RNGTT: variants seen among roughly 807,000 people sequenced by gnomAD.
The protein encoded by RNGTT is mRNA-capping enzyme.
In RNGTT, 33 loss-of-function variants were observed where a neutral mutation model predicts 79.3. That is an observed-to-expected ratio of 0.42 (90% CI 0.32 to 0.56). The LOEUF is 0.56. Among genes scored for constraint, RNGTT ranks in the 20% least tolerant of loss-of-function variants. The pLI is 0.17. For missense variants in RNGTT, 497 were observed against 739.1 expected, an observed-to-expected ratio of 0.67 and a Z score of 3.80; for synonymous variants, 222 against 235.9, an observed-to-expected ratio of 0.94 and a Z score of 0.54.
At chr6:88,721,299 C>T (rs763950413) in intron 13 of RNGTT, among the ~76,000 whole-genome samples, 6 of 152,058 alleles carry the variant, frequency 3.9e-5, no homozygotes, top group Non-Finnish European at 7.4e-5. Flanking sequence ...TGTCAAAAAT[C>T]AAATTAGTAA....
chr6:88,730,046 T>G (rs1777055453), intron 13 of RNGTT, among the ~76,000 whole-genome samples: 1 of 152,198 alleles, frequency 6.6e-6, no homozygotes, highest in Admixed American at 6.5e-5. Context: ...GTCCTCCACC[T>G]TATCCAGAGA....
intron 4 of RNGTT, among the ~76,000 whole-genome samples, chr6:88,925,940 C>T (rs1319508103): frequency 6.6e-6 from 1 of 152,090 alleles, no homozygotes; most frequent in Non-Finnish European, 1.5e-5. Context: ...TACGTAGGTC[C>T]AGGATAGGCC....
chr6:88,926,104 T>C (rs1477719944), intron 4 of RNGTT, among the ~76,000 whole-genome samples: 1 of 152,242 alleles, frequency 6.6e-6, no homozygotes, highest in East Asian at 1.9e-4. Context: ...AATAAATATT[T>C]ACTATTTTCT....
intron 13 of RNGTT, among the ~76,000 whole-genome samples, chr6:88,767,690 A>C (rs540146004): frequency 1.4e-5 from 2 of 139,416 alleles, no homozygotes; most frequent in Middle Eastern, 3.7e-3. Flanking sequence ...AAAAAAAAAA[A>C]AAAAAAAAAA....
At chr6:88,900,527 A>G (rs975036232) in intron 6 of RNGTT, among the ~76,000 whole-genome samples, 2 of 152,106 alleles carry the variant, frequency 1.3e-5, no homozygotes, top group Admixed American at 6.5e-5. Context: ...TGAGGTCAGG[A>G]GATCCACACA....
intron 14 of RNGTT, among the ~76,000 whole-genome samples, chr6:88,629,806 G>C (rs1772779686): frequency 6.6e-6 from 1 of 152,130 alleles, no homozygotes; most frequent in Admixed American, 6.6e-5. Context: ...CTTTTCTCTA[G>C]AAAGTAACCA....
chr6:88,631,963 CTTTA>C (rs1355796237), intron 14 of RNGTT, among the ~76,000 whole-genome samples: 1 of 151,982 alleles, frequency 6.6e-6, no homozygotes, highest in Non-Finnish European at 1.5e-5. Context: ...TAGGCCAACT[CTTTA>C]TTTATTATTT....
At chr6:88,923,315 CTT>C (rs1485037475) in intron 4 of RNGTT, among the ~76,000 whole-genome samples, 1 of 152,136 alleles carries the variant, frequency 6.6e-6, no homozygotes, top group African/African-American at 2.4e-5. Context: ...TCACATAACT[CTT>C]TATGTCCATC....
chr6:88,618,813 A>C (rs1772332118), intron 14 of RNGTT, among the ~76,000 whole-genome samples: 1 of 152,222 alleles, frequency 6.6e-6, no homozygotes, highest in Admixed American at 6.5e-5. Flanking sequence ...AGCAGCTCAA[A>C]GAAAAGTTTC....
chr6:88,855,926 T>G (rs1298786017), intron 8 of RNGTT, among the ~76,000 whole-genome samples: 1 of 152,058 alleles, frequency 6.6e-6, no homozygotes, highest in Non-Finnish European at 1.5e-5. Context: ...AAAGGGAAGA[T>G]CAAATAAAAA....
At chr6:88,907,607 C>T (rs1364538109) in intron 4 of RNGTT, among the ~76,000 whole-genome samples, 1 of 151,842 alleles carries the variant, frequency 6.6e-6, no homozygotes, top group African/African-American at 2.4e-5. Flanking sequence ...TGAGAAGAGA[C>T]GAATATAACT....
At position 88,904,858 on chromosome 6, in the gene RNGTT, C is replaced by T; in HGVS notation, c.541G>A (p.Glu181Lys). The T allele has an allele frequency of 1.2e-6, 2 of 1,614,130 alleles. No homozygotes were observed. The highest frequency in any genetic ancestry group is 2.2e-5 in the East Asian group (1 of 44,872). ...KELFRRYGDI[E>K]EAPPPPLLPD... Reference sequence around the variant, plus strand: ...AATAGAGGTGGGGGTGGTGCTTCCTCTATGTCACCATACCGACGAAAAAGT... The same window carrying T: ...AATAGAGGTGGGGGTGGTGCTTCCTTTATGTCACCATACCGACGAAAAAGT... Residue 181 changes from glutamate (E) to lysine (K), a missense_variant, in exon 6 of 16, where the codon GAG becomes AAG. Glu to Lys is a moderately conservative substitution (Grantham distance 56, BLOSUM62 1). Transcript: ENST00000369485.
At chr6:88,887,499 G>A (rs1197234199) in intron 8 of RNGTT, among the ~76,000 whole-genome samples, 1 of 152,052 alleles carries the variant, frequency 6.6e-6, no homozygotes, top group Admixed American at 6.5e-5. Flanking sequence ...TTCTCTCCCA[G>A]AAAAAAGTAT....
At chr6:88,755,178 G>A (rs7773541) in intron 13 of RNGTT, among the ~76,000 whole-genome samples, 21,098 of 152,082 alleles carry the variant, frequency 0.14, 1,605 homozygotes, top group Middle Eastern at 0.24. Context: ...AAAGGAAGAC[G>A]TTAGCAGTTA....
At chr6:88,913,601 CA>C (rs1783906110) in intron 4 of RNGTT, among the ~76,000 whole-genome samples, 1 of 152,164 alleles carries the variant, frequency 6.6e-6, no homozygotes, top group Non-Finnish European at 1.5e-5. Flanking sequence ...GAATTCAAAA[CA>C]AAAACCACAT....
At chr6:88,820,665 T>C (rs1336309606) in intron 11 of RNGTT, among the ~76,000 whole-genome samples, 1 of 152,158 alleles carries the variant, frequency 6.6e-6, no homozygotes, top group Non-Finnish European at 1.5e-5. Context: ...CTTTCCTATA[T>C]ACCAGGTGAA....
chr6:88,898,192 C>T (rs1340751740), intron 6 of RNGTT, among the ~76,000 whole-genome samples: 1 of 152,158 alleles, frequency 6.6e-6, no homozygotes, highest in Non-Finnish European at 1.5e-5. Context: ...CCATTAGCTT[C>T]TTAAAATTAC....
At chr6:88,670,328 T>A (rs1774586891) in intron 14 of RNGTT, among the ~76,000 whole-genome samples, 1 of 152,188 alleles carries the variant, frequency 6.6e-6, no homozygotes, top group Non-Finnish European at 1.5e-5. Flanking sequence ...CTCCCCTGCT[T>A]GCTGCCTTTG....
intron 13 of RNGTT, among the ~76,000 whole-genome samples, chr6:88,759,745 AC>A (rs1161187565): frequency 6.6e-6 from 1 of 152,114 alleles, no homozygotes; most frequent in African/African-American, 2.4e-5. Context: ...AACCATAATT[AC>A]AGCAAAAAAC....
Sources: gnomAD v4.1 joint callset for allele counts (sites outside exome capture counted in the v4.1 genomes callset) on GRCh38, gnomAD v4.1.1 for gene constraint, MANE v1.5 for transcripts, NCBI Gene and HGNC (gene_info 2026-07-23, HGNC 2026-07-21) for gene names.